RAPGEFL1: variants seen among roughly 807,000 people sequenced by gnomAD.
RAPGEFL1 encodes rap guanine nucleotide exchange factor-like 1.
Under a neutral mutation model 64.4 loss-of-function variants are expected in RAPGEFL1, and 31 were observed. The observed-to-expected ratio is 0.48, with a 90% confidence interval of 0.36 to 0.65. The LOEUF is 0.65. Among genes scored for constraint, RAPGEFL1 ranks in the 30% least tolerant of loss-of-function variants. The pLI, the probability that RAPGEFL1 is intolerant of heterozygous loss-of-function variation, is 0.00. For missense variants in RAPGEFL1, 682 were observed against 677.4 expected, an observed-to-expected ratio of 1.01 and a Z score of -0.08; for synonymous variants, 331 against 274.1, an observed-to-expected ratio of 1.21 and a Z score of -2.05.
chr17:40,178,615 T>C (rs1249230572), intron 1 of RAPGEFL1, among the ~76,000 whole-genome samples: 2 of 152,192 alleles, frequency 1.3e-5, no homozygotes, highest in Non-Finnish European at 2.9e-5. Context: ...GCTGAGCCTC[T>C]TACTCTCCTT....
At chr17:40,181,012 G>A (rs1989879060) in intron 1 of RAPGEFL1, among the ~76,000 whole-genome samples, 1 of 152,186 alleles carries the variant, frequency 6.6e-6, no homozygotes, top group Admixed American at 6.5e-5. Flanking sequence ...GAGAGGAGCC[G>A]CTCCCCTTCA....
At chr17:40,186,673 A>C (rs993864032) in intron 4 of RAPGEFL1, among the ~76,000 whole-genome samples, 2 of 147,646 alleles carry the variant, frequency 1.4e-5, no homozygotes, top group African/African-American at 4.9e-5. Context: ...CGAGGCAGGC[A>C]GAATGAGGTC....
chr17:40,192,298 C>T (rs750429703), intron 11 of RAPGEFL1, 35 bp downstream of exon 11: 1 of 1,602,352 alleles, frequency 6.2e-7, no homozygotes, highest in African/African-American at 1.3e-5. Context: ...TGCTCTTGGA[C>T]TGAGAGCCCA....
At chr17:40,182,630 A>G (rs770294628) in intron 2 of RAPGEFL1, among the ~76,000 whole-genome samples, 1 of 152,188 alleles carries the variant, frequency 6.6e-6, no homozygotes, top group Non-Finnish European at 1.5e-5. Context: ...TTATTATTCT[A>G]CTAAGGGCAC....
intron 1 of RAPGEFL1, among the ~76,000 whole-genome samples, chr17:40,179,009 C>A (rs1337408905): frequency 6.6e-6 from 1 of 150,756 alleles, no homozygotes; most frequent in East Asian, 1.9e-4. Context: ...CCTGCAGCAT[C>A]CAGGGTGTCC....
Position 40,191,224 on chromosome 17 carries a change from C to T in RAPGEFL1, c.1336-92C>T. ...ACCCCTTCCGCCCCCGCCCTCCTGC[C>T]TTTCGCTCCTCATCGCCTTGCACTG... On this transcript the variant is annotated intron_variant, in intron 8 of 14. Coordinates refer to ENST00000620260, the MANE Select transcript of RAPGEFL1 (RefSeq NM_016339.6). This position sits in a 1 kb window ranked among gnomAD's most constrained non-coding sequence, Gnocchi z 5.1. The T allele has an allele frequency of 8.1e-7, 1 of 1,235,204 alleles. No individual in the cohort carries two copies. Among genetic ancestry groups the T allele is most frequent in the East Asian group, 2.8e-5 (1 of 35,928 alleles). 76.5% of individuals were successfully genotyped at this position (1,235,204 alleles called of 1,614,324 possible).
rs909748013 is a variant in RAPGEFL1, at chr17:40,191,776, A to T, written c.1605+104A>T. The stretch of plus-strand genomic sequence containing the variant: ...CCGGCCTGGAGGGAGTCTTTGCGCC[A>T]GTTGGAGGGAGGCGCCCTCTTCTGG... On this transcript the variant is annotated intron_variant, in intron 10 of 14. Transcript: ENST00000620260. The surrounding 1 kb of genome is among the most constrained non-coding windows in gnomAD (Gnocchi z 5.1). The T allele has an allele frequency of 8.5e-7, 1 of 1,174,052 alleles. No individual in the cohort carries two copies. The highest frequency in any genetic ancestry group is 1.2e-6 in the Non-Finnish European group (1 of 812,272). 72.7% of individuals were successfully genotyped at this position (1,174,052 alleles called of 1,614,324 possible).
chr17:40,184,158 T>G (rs1989986159), intron 2 of RAPGEFL1, 56 bp from the exon 3 acceptor site: 2 of 1,303,764 alleles, frequency 1.5e-6, no homozygotes, highest in Non-Finnish European at 2.2e-6. Context: ...CTCCCATCTT[T>G]CTTCTCAATT....
At chr17:40,183,820 CTTTTTTTTTTTTGCCTTT>C (rs1989970236) in intron 2 of RAPGEFL1, among the ~76,000 whole-genome samples, 1 of 95,142 alleles carries the variant, frequency 1.1e-5, no homozygotes, top group African/African-American at 3.9e-5. Context: ...CGCGCCTGGC[CTTTTTTTTTTTTGCCTTT>C]TTTTTTTTTT....
Position 40,193,368 on chromosome 17 carries a change from A to G in RAPGEFL1, c.1815A>G (p.Ser605=). 1.2e-6 allele frequency: 2 copies of G among 1,614,158 alleles called. No homozygotes were observed. The highest frequency in any genetic ancestry group is 1.7e-6 in the Non-Finnish European group (2 of 1,180,022). The change falls in exon 14 of 15, where the codon TCA becomes TCG. Residue 605 remains serine, a synonymous_variant. Transcript: ENST00000620260. ...CATTCCTTGTCATCTCCCAGCATTC[A>G]GTGGCCGAAAAAGTGAGGACAATCC... The part of the protein sequence containing the change: ...DGLVNIEKLH[S]VAEKVRTIRK...
chr17:40,192,740 T>C (rs1990320516), intron 12 of RAPGEFL1, 47 bp downstream of exon 12: 1 of 1,549,258 alleles, frequency 6.5e-7, no homozygotes, highest in African/African-American at 1.4e-5. Context: ...CATGCTTCCC[T>C]TCTCCTATGC....
At position 40,191,228 on chromosome 17, in the gene RAPGEFL1, C is replaced by A; in HGVS notation, c.1336-88C>A. On this transcript the variant is annotated intron_variant, in intron 8 of 14. Transcript: ENST00000620260. This position sits in a 1 kb window ranked among gnomAD's most constrained non-coding sequence, Gnocchi z 5.1. The stretch of plus-strand genomic sequence containing the variant: ...CTTCCGCCCCCGCCCTCCTGCCTTT[C>A]GCTCCTCATCGCCTTGCACTGCCAT... The A allele has an allele frequency of 8.3e-7, 1 of 1,209,338 alleles. No individual in the cohort carries two copies. The highest frequency in any genetic ancestry group is 1.6e-5 in the South Asian group (1 of 63,706). 74.9% of individuals were successfully genotyped at this position (1,209,338 alleles called of 1,614,324 possible).
Position 40,192,257 on chromosome 17 carries a change from C to G in RAPGEFL1, c.1650C>G (p.Asn550Lys). Residue 550 changes from asparagine (N) to lysine (K), a missense_variant, in exon 11 of 15, where the codon AAC becomes AAG. Coordinates refer to ENST00000620260, the MANE Select transcript of RAPGEFL1 (RefSeq NM_016339.6). ...AGAACTTGTTTCGCAAATTTGAGAA[C>G]CTGACGGTGAGTGGGTTTGGCTCTT... ...KFKNLFRKFE[N>K]LTDPCRNHKS... The G allele has an allele frequency of 6.2e-7, 1 of 1,613,964 alleles. No homozygotes were observed. The highest frequency in any genetic ancestry group is 8.5e-7 in the Non-Finnish European group (1 of 1,179,846).
intron 4 of RAPGEFL1, among the ~76,000 whole-genome samples, chr17:40,187,820 A>G (rs570975268): frequency 8.7e-5 from 13 of 149,490 alleles, no homozygotes; most frequent in South Asian, 2.1e-4. Context: ...TCATCGTGTT[A>G]GCCAGGATGG....
At chr17:40,188,729 G>C (rs1348297691) in intron 4 of RAPGEFL1, 137 bp from the exon 5 acceptor site, 12 of 682,948 alleles carry the variant, frequency 1.8e-5, no homozygotes, top group Non-Finnish European at 3.2e-5. Flanking sequence ...CCTCTCTTCT[G>C]ACCCCCTTAA....
chr17:40,182,025 G>A (rs1476661825), intron 2 of RAPGEFL1, among the ~76,000 whole-genome samples: 1 of 151,844 alleles, frequency 6.6e-6, no homozygotes, highest in South Asian at 2.1e-4. Context: ...AAAGGTTGCA[G>A]TGAGCCGAGA....
chr17:40,188,084 T>C (rs1332136225), intron 4 of RAPGEFL1, among the ~76,000 whole-genome samples: 1 of 151,108 alleles, frequency 6.6e-6, no homozygotes, highest in African/African-American at 2.4e-5. Context: ...CTGGCTAATT[T>C]TTGTGTTTTT....
chr17:40,189,949 C>T (rs1342210025), intron 6 of RAPGEFL1, among the ~76,000 whole-genome samples: 9 of 116,250 alleles, frequency 7.7e-5, no homozygotes, highest in African/African-American at 2.8e-4. Context: ...AGCGAAACTC[C>T]GTCTCAAAAA....
In RAPGEFL1 at chr17:40,178,283, C is replaced by T; in HGVS notation, c.422C>T (p.Pro141Leu). The part of the protein sequence containing the change: ...LSPGEPLTSP[P>L]WAPLGAPERP... ...CCAGGCGAGCCCTTGACTTCGCCGC[C>T]CTGGGCCCCTCTGGGCGCCCCCGAG... Residue 141 changes from proline to leucine, a missense_variant, in exon 1 of 15, where the codon CCC (proline) becomes CTC (leucine). Physicochemically the swap from Pro to Leu is moderately conservative, Grantham distance 98. Transcript: ENST00000620260. 1.5e-6 allele frequency: 1 copy of T among 647,998 alleles called. No homozygotes were observed. Among genetic ancestry groups the T allele is most frequent in the South Asian group, 1.6e-5 (1 of 61,884 alleles). The allele number at this position is 647,998 out of a possible 1,614,324, so 40.1% of individuals were successfully genotyped here.
Sources: gnomAD v4.1 joint callset for allele counts (sites outside exome capture counted in the v4.1 genomes callset) on GRCh38, gnomAD v4.1.1 for gene constraint, Gnocchi (gnomAD v3.1) non-coding constraint, MANE v1.5 for transcripts, NCBI Gene and HGNC (gene_info 2026-07-23, HGNC 2026-07-21) for gene names.